COL5A2: variants seen among roughly 807,000 people sequenced by gnomAD.
COL5A2 encodes the protein collagen alpha-2(V) chain.
COL5A2 carries 23 observed loss-of-function variants against 208.2 expected under a neutral mutation model. That is an observed-to-expected ratio of 0.11 (90% CI 0.08 to 0.16). The LOEUF (loss-of-function observed/expected upper bound fraction) is 0.16, where lower values mean the gene tolerates loss of function less well. COL5A2 is among the 10% of genes least tolerant of loss of function. The pLI, the probability that COL5A2 is intolerant of heterozygous loss-of-function variation, is 1.00. For synonymous variants in COL5A2, 625 were observed against 628.5 expected (o/e 0.99, Z 0.08); for missense variants, 1,590 against 1,956.4 (o/e 0.81, Z 3.53).
At chr2:189,082,457 A>G (rs985842148) in intron 12 of COL5A2, among the ~76,000 whole-genome samples, 11 of 152,204 alleles carry the variant, frequency 7.2e-5, no homozygotes, top group African/African-American at 2.7e-4. Context: ...GTTCAACTTA[A>G]TGCCTCATTT....
intron 1 of COL5A2, among the ~76,000 whole-genome samples, chr2:189,189,625 C>G (rs1466190544): frequency 3.3e-5 from 5 of 152,044 alleles, no homozygotes; most frequent in Non-Finnish European, 7.4e-5. Flanking sequence ...GCACTCCAGC[C>G]TGGGTAACAG....
chr2:189,338,463 A>G, the COL5A2 span, among the ~76,000 whole-genome samples: 1 of 151,816 alleles, frequency 6.6e-6, no homozygotes, highest in Non-Finnish European at 1.5e-5. Context: ...CACTCCACCT[A>G]CAGGTTAGTA....
intron 1 of COL5A2, among the ~76,000 whole-genome samples, chr2:189,158,214 A>G (rs1261865109): frequency 6.6e-6 from 1 of 152,024 alleles, no homozygotes; most frequent in Non-Finnish European, 1.5e-5. Flanking sequence ...ATTTGGGGTT[A>G]TTTAGGTTAA....
At chr2:189,052,844 G>A in intron 39 of COL5A2, 42 bp from the exon 40 acceptor site, 1 of 1,612,406 alleles carries the variant, frequency 6.2e-7, no homozygotes, top group Non-Finnish European at 8.5e-7. Flanking sequence ...TGAAGCAAAA[G>A]AGGCTGAATG....
chr2:189,367,189 C>T, the COL5A2 span, among the ~76,000 whole-genome samples: 3,653 of 152,168 alleles, frequency 0.024, 159 homozygotes, highest in African/African-American at 0.084. Flanking sequence ...ACAACCCATA[C>T]CCTAGGAGTA....
intron 1 of COL5A2, among the ~76,000 whole-genome samples, chr2:189,174,553 T>A (rs972408541): frequency 1.3e-5 from 2 of 152,178 alleles, no homozygotes; most frequent in African/African-American, 2.4e-5. Context: ...AGAGTGTCAG[T>A]CAAAGATTTA....
At chr2:189,387,708 T>G in the COL5A2 span, among the ~76,000 whole-genome samples, 1 of 152,214 alleles carries the variant, frequency 6.6e-6, no homozygotes, top group African/African-American at 2.4e-5. Flanking sequence ...AAGATATTAA[T>G]GCAGTGCAGT....
intron 1 of COL5A2, among the ~76,000 whole-genome samples, chr2:189,218,872 A>G (rs1689311274): frequency 6.6e-6 from 1 of 152,116 alleles, no homozygotes; most frequent in African/African-American, 2.4e-5. Context: ...CTTTTTGTGG[A>G]AAGCAGAAAA....
the COL5A2 span, among the ~76,000 whole-genome samples, chr2:189,288,290 G>T: frequency 6.6e-6 from 1 of 152,136 alleles, no homozygotes; most frequent in South Asian, 2.1e-4. Context: ...CATTATAAAG[G>T]TATTAGGGGT....
At chr2:189,348,740 C>A in the COL5A2 span, among the ~76,000 whole-genome samples, 1 of 152,162 alleles carries the variant, frequency 6.6e-6, no homozygotes, top group Non-Finnish European at 1.5e-5. Flanking sequence ...ATAAGCTGCA[C>A]CCAGACTCCA....
chr2:189,346,662 C>T, the COL5A2 span, among the ~76,000 whole-genome samples: 1 of 151,960 alleles, frequency 6.6e-6, no homozygotes, highest in African/African-American at 2.4e-5. Context: ...AAATTGTTTC[C>T]AACAGAGAGG....
intron 9 of COL5A2, 30 bp downstream of exon 9, chr2:189,086,696 C>T: frequency 1.3e-6 from 2 of 1,536,628 alleles, no homozygotes; most frequent in South Asian, 1.2e-5. Flanking sequence ...GTTTTTCTTA[C>T]AGCATGTAAT....
intron 18 of COL5A2, among the ~76,000 whole-genome samples, 188 bp downstream of exon 18, chr2:189,071,852 T>G (rs1273350922): frequency 6.6e-6 from 1 of 152,172 alleles, no homozygotes; most frequent in Non-Finnish European, 1.5e-5. Context: ...TTTAATTATA[T>G]TTATACAGTT....
the COL5A2 span, among the ~76,000 whole-genome samples, chr2:189,253,253 A>G: frequency 1.3e-5 from 2 of 152,182 alleles, no homozygotes; most frequent in Non-Finnish European, 2.9e-5. Context: ...TTTAATAGTT[A>G]TGTGGTTCTG....
At chr2:189,332,163 A>G in the COL5A2 span, among the ~76,000 whole-genome samples, 1 of 152,162 alleles carries the variant, frequency 6.6e-6, no homozygotes, top group Non-Finnish European at 1.5e-5. Flanking sequence ...GAGACCTAAC[A>G]GAAGAAATAC....
intron 1 of COL5A2, among the ~76,000 whole-genome samples, chr2:189,203,236 G>A (rs1689100221): frequency 6.6e-6 from 1 of 152,084 alleles, no homozygotes; most frequent in Non-Finnish European, 1.5e-5. Flanking sequence ...TCAAGTTTTA[G>A]CCAAAAAAGC....
intron 1 of COL5A2, among the ~76,000 whole-genome samples, chr2:189,123,812 A>G (rs1430782672): frequency 6.6e-6 from 1 of 152,210 alleles, no homozygotes; most frequent in Admixed American, 6.5e-5. Flanking sequence ...CCTAACAACC[A>G]TCCTGGTAGA....
intron 19 of COL5A2, 83 bp from the exon 20 acceptor site, chr2:189,068,353 C>T: frequency 8.3e-7 from 1 of 1,206,104 alleles, no homozygotes; most frequent in Non-Finnish European, 1.2e-6. Flanking sequence ...GTCCAGCCAT[C>T]TTCAAAAAGG....
At chr2:189,367,324 C>T in the COL5A2 span, among the ~76,000 whole-genome samples, 2 of 152,192 alleles carry the variant, frequency 1.3e-5, no homozygotes, top group Admixed American at 1.3e-4. Context: ...GATAGTCAGT[C>T]CCTCAACTCT....
Sources: allele counts gnomAD v4.1 joint callset (sites outside exome capture counted in the v4.1 genomes callset), GRCh38; gene constraint gnomAD v4.1.1; transcripts MANE v1.5; gene names NCBI Gene and HGNC (gene_info 2026-07-23, HGNC 2026-07-21).